POT1: variants seen among roughly 807,000 people sequenced by gnomAD.
POT1 encodes protection of telomeres 1, also known as protection of telomeres protein 1.
POT1 carries 47 observed loss-of-function variants against 78.5 expected under a neutral mutation model. The observed-to-expected ratio is 0.60, with a 90% CI of 0.47 to 0.76. The LOEUF is 0.76. Among genes scored for constraint, POT1 ranks in the 30% least tolerant of loss-of-function variants. The pLI, the probability that POT1 is intolerant of heterozygous loss-of-function variation, is 0.00. For missense variants in POT1, 646 were observed against 749.9 expected, an observed-to-expected ratio of 0.86 and a Z score of 1.62; for synonymous variants, 259 against 260.7, an observed-to-expected ratio of 0.99 and a Z score of 0.06.
intron 9 of POT1, among the ~76,000 whole-genome samples, chr7:124,855,651 T>C (rs1279223475): frequency 1.3e-5 from 2 of 151,488 alleles, no homozygotes; most frequent in African/African-American, 2.4e-5. Flanking sequence ...TAGAAGTCTA[T>C]TTAAATACTA....
At chr7:124,880,775 C>G (rs1474921821) in intron 6 of POT1, among the ~76,000 whole-genome samples, 3 of 150,386 alleles carry the variant, frequency 2.0e-5, no homozygotes, top group African/African-American at 4.9e-5. Context: ...GAAAAAGACT[C>G]TCCTTTCTCA....
intron 15 of POT1, among the ~76,000 whole-genome samples, chr7:124,832,022 A>T (rs1794772913): frequency 6.8e-6 from 1 of 147,974 alleles, no homozygotes; most frequent in African/African-American, 2.5e-5. Flanking sequence ...AAAAAAAAAA[A>T]GTTTGGAGGC....
Position 124,870,928 on chromosome 7 carries a change from G to A in POT1, c.238C>T (p.Arg80Cys), listed in dbSNP as rs778692211. 1.1e-5 allele frequency: 17 copies of A among 1,606,290 alleles called. No individual in the cohort carries two copies. The highest frequency in any genetic ancestry group is 4.5e-5 in the East Asian group (2 of 44,542). Residue 80 changes from arginine to cysteine, a missense_variant, in exon 7 of 19, where the codon CGC (arginine) becomes TGC (cysteine). Arg to Cys is a radical substitution (Grantham distance 180). This residue lies in a region of POT1 where 252 missense variants were observed against 341.4 expected (regional missense o/e 0.74). Coordinates refer to ENST00000357628, the MANE Select transcript of POT1 (RefSeq NM_015450.3). ...AATTATACCTTCAGCCTGTGAAAGC[G>A]AACAATATCTCCATTTTTATAAATT... is the stretch of plus-strand genomic sequence containing the variant. ...PIIYKNGDIVRFHRLKIQVYK... is the reference protein window; with the variant it reads ...PIIYKNGDIVCFHRLKIQVYK...
intron 2 of POT1, among the ~76,000 whole-genome samples, chr7:124,924,861 C>T (rs188707934): frequency 9.2e-5 from 14 of 152,026 alleles, no homozygotes; most frequent in Admixed American, 8.5e-4. Context: ...AGGACAAAAA[C>T]CAGATGATCA....
chr7:124,853,399 A>ATATT (rs1232349918), intron 9 of POT1: 2 of 262,786 alleles, frequency 7.6e-6, no homozygotes, highest in Non-Finnish European at 1.4e-5. Context: ...ACTGTAAGAG[A>ATATT]TATTTCCATT....
chr7:124,857,384 C>T (rs1562989973), intron 9 of POT1, among the ~76,000 whole-genome samples: 2 of 152,152 alleles, frequency 1.3e-5, no homozygotes, highest in African/African-American at 4.8e-5. Flanking sequence ...CAGCAAGGAC[C>T]CTGCTCTCAA....
intron 17 of POT1, 75 bp downstream of exon 17, chr7:124,827,138 AG>A (rs1350970359): frequency 5.6e-5 from 43 of 771,390 alleles, no homozygotes; most frequent in Non-Finnish European, 7.4e-5. Context: ...GGAACAAAGC[AG>A]GTATGAATAA....
rs189382727 is a variant in POT1, at chr7:124,893,214, T to G, written c.10-834A>C. On this transcript the variant is annotated intron_variant, in intron 5 of 18. Coordinates refer to ENST00000357628, the MANE Select transcript of POT1 (RefSeq NM_015450.3). ...TGCAATTTAAGAGATTTTGGTTCTA[T>G]TTTTTAACTAATATCTCTTTGAAAC... Among the ~76,000 whole-genome samples, 514 of 151,468 alleles carry G rather than the reference T, an allele frequency of 3.4e-3. 4 individuals are homozygous for G. Among genetic ancestry groups the G allele is most frequent in the African/African-American group, 0.012 (485 of 41,496 alleles).
chr7:124,838,639 C>G (rs562437575), intron 14 of POT1, among the ~76,000 whole-genome samples: 1 of 151,470 alleles, frequency 6.6e-6, no homozygotes, highest in Non-Finnish European at 1.5e-5. Context: ...AAGTTTCGCT[C>G]TTGTTACCCA....
intron 3 of POT1, among the ~76,000 whole-genome samples, chr7:124,908,429 TCATCAGCCA>T (rs1363784744): frequency 6.6e-6 from 1 of 151,988 alleles, no homozygotes; most frequent in South Asian, 2.1e-4. Flanking sequence ...CCTACCCACC[TCATCAGCCA>T]CATCAGCCAC....
At chr7:124,876,454 A>C (rs772811091) in intron 6 of POT1, among the ~76,000 whole-genome samples, 3 of 152,186 alleles carry the variant, frequency 2.0e-5, no homozygotes, top group Non-Finnish European at 4.4e-5. Flanking sequence ...TGACAAAAGG[A>C]CAGAAAATAG....
At chr7:124,901,538 A>G (rs1231052333) in intron 3 of POT1, among the ~76,000 whole-genome samples, 1 of 152,222 alleles carries the variant, frequency 6.6e-6, no homozygotes, top group Non-Finnish European at 1.5e-5. Context: ...CCATCATCAA[A>G]GACCAAAGGT....
chr7:124,827,241 T>A lies in POT1; in HGVS notation c.1659A>T (p.Gly553=). The A allele has an allele frequency of 6.3e-7, 1 of 1,587,586 alleles. No individual in the cohort carries two copies. Among genetic ancestry groups the A allele is most frequent in the Non-Finnish European group, 8.6e-7 (1 of 1,159,716 alleles). Residue 553 remains glycine (G), a synonymous_variant, in exon 17 of 19, where the codon GGA becomes GGT. Transcript: ENST00000357628. ...AATCCATGAGATAGGCTTCTAGTAC[T>A]CCTGTTCCATCATCAAGTGTAAAGG... ...VMTFTLDDGT[G]VLEAYLMDSD...
chr7:124,892,480 CCTTTT>C, intron 5 of POT1, 100 bp from the exon 6 acceptor site: 1 of 596,260 alleles, frequency 1.7e-6, no homozygotes, highest in East Asian at 3.2e-5. Context: ...ACTATTTTAT[CCTTTT>C]AAGTGTCTAA....
At chr7:124,885,177 T>C (rs1796213438) in intron 6 of POT1, among the ~76,000 whole-genome samples, 1 of 151,354 alleles carries the variant, frequency 6.6e-6, no homozygotes, top group Non-Finnish European at 1.5e-5. Context: ...AATTTTGGGC[T>C]TGGTATGGTG....
chr7:124,830,735 C>T (rs1455757914), intron 15 of POT1, among the ~76,000 whole-genome samples: 1 of 151,904 alleles, frequency 6.6e-6, no homozygotes, highest in Non-Finnish European at 1.5e-5. Context: ...TTATGAGTGA[C>T]ATACAAATTA....
At chr7:124,880,475 C>G (rs929012790) in intron 6 of POT1, among the ~76,000 whole-genome samples, 6 of 151,984 alleles carry the variant, frequency 3.9e-5, no homozygotes, top group African/African-American at 1.4e-4. Context: ...TAATGTTAGC[C>G]AAGATGAACT....
At chr7:124,901,853 C>T (rs1796628693) in intron 3 of POT1, among the ~76,000 whole-genome samples, 1 of 152,024 alleles carries the variant, frequency 6.6e-6, no homozygotes, top group Admixed American at 6.6e-5. Flanking sequence ...AGTGGAAAAC[C>T]ATGGCACAAG....
At chr7:124,874,720 G>A (rs1378723846) in intron 6 of POT1, among the ~76,000 whole-genome samples, 3 of 149,770 alleles carry the variant, frequency 2.0e-5, no homozygotes, top group African/African-American at 7.4e-5. Flanking sequence ...GGATGATAGC[G>A]TGAGATCTGC....
Sources: allele counts gnomAD v4.1 joint callset (sites outside exome capture counted in the v4.1 genomes callset), GRCh38; gene constraint gnomAD v4.1.1; regional missense constraint gnomAD v4.1.1; transcripts MANE v1.5; gene names NCBI Gene and HGNC (gene_info 2026-07-23, HGNC 2026-07-21).